Variants in ERGIC1 observed in about 807,000 individuals in gnomAD.
The protein encoded by ERGIC1 is endoplasmic reticulum-golgi intermediate compartment 1.
ERGIC1 carries 19 observed loss-of-function variants against 38.3 expected under a neutral mutation model. The observed-to-expected ratio is 0.50, with a 90% CI of 0.35 to 0.73. The LOEUF (loss-of-function observed/expected upper bound fraction) is 0.73, where lower values mean the gene tolerates loss of function less well. Ranked by LOEUF, ERGIC1 falls within the 30% of genes least tolerant of loss-of-function variation. ERGIC1 has a pLI of 0.01. For synonymous variants in ERGIC1, 124 were observed against 157.6 expected (o/e 0.79, Z 1.60); for missense variants, 294 against 389.2 (o/e 0.76, Z 2.06).
At chr5:172,866,863 C>T (rs1581524990) in intron 1 of ERGIC1, 1 of 308,698 alleles carries the variant, frequency 3.2e-6, no homozygotes, top group Non-Finnish European at 6.4e-6. Context: ...ACTCTAGCTC[C>T]AGGCAGGCAG....
chr5:172,907,747 A>G (rs912624816), intron 3 of ERGIC1, among the ~76,000 whole-genome samples: 1 of 151,868 alleles, frequency 6.6e-6, no homozygotes, highest in Non-Finnish European at 1.5e-5. Context: ...CTTCTCCCCA[A>G]AGGTCAGTGG....
chr5:172,848,594 T>C (rs1046963979), intron 1 of ERGIC1, among the ~76,000 whole-genome samples: 3 of 152,206 alleles, frequency 2.0e-5, no homozygotes, highest in Non-Finnish European at 4.4e-5. Flanking sequence ...TGTGTCTGTC[T>C]TCCTTATGGA....
At chr5:172,865,470 T>A (rs1489502248) in intron 1 of ERGIC1, among the ~76,000 whole-genome samples, 1 of 152,240 alleles carries the variant, frequency 6.6e-6, no homozygotes, top group African/African-American at 2.4e-5. Context: ...AAGGAATTTT[T>A]AAATTGAGGT....
intron 1 of ERGIC1, among the ~76,000 whole-genome samples, chr5:172,863,887 A>G (rs1761783298): frequency 6.6e-6 from 1 of 152,154 alleles, no homozygotes; most frequent in African/African-American, 2.4e-5. Context: ...ATCACAACCC[A>G]GTGTACAATA....
At chr5:172,915,584 G>A (rs754437461) in intron 5 of ERGIC1, 10 of 471,076 alleles carry the variant, frequency 2.1e-5, no homozygotes, top group African/African-American at 1.0e-4. Flanking sequence ...CGAGGCACCC[G>A]GTGGCAGCTG....
rs185765710 is a variant in ERGIC1 at position 172,837,234 on chromosome 5, A to C, written c.20+2801A>C. ...CTTACTGCCTGTAGAGCCTGGTGCA[A>C]CTGAGTTCTGTGTTTTCCTGTCTGT... On this transcript the variant is annotated intron_variant, in intron 1 of 9. Coordinates refer to ENST00000393784, the MANE Select transcript of ERGIC1 (RefSeq NM_001031711.3). The surrounding 1 kb of genome is among the most constrained non-coding windows in gnomAD (Gnocchi z 4.3). Among the ~76,000 whole-genome samples the C allele has an allele frequency of 6.6e-6, 1 of 152,310 alleles. No homozygotes were observed. Among genetic ancestry groups the C allele is most frequent in the East Asian group, 1.9e-4 (1 of 5,188 alleles).
chr5:172,851,465 C>T lies in ERGIC1; in HGVS notation c.20+17032C>T, dbSNP rs540867706. 2.4e-4 allele frequency among the ~76,000 whole-genome samples: 36 copies of T among 152,244 alleles called. No homozygotes were observed. The South Asian group carries it at 6.6e-3, about 28-fold the overall frequency. On this transcript the variant is annotated intron_variant, in intron 1 of 9. Coordinates refer to ENST00000393784, the MANE Select transcript of ERGIC1 (RefSeq NM_001031711.3). ...CAGAGGTTGCAGTGAGCTGAGATTG[C>T]GCCACTGCACTCCAGCCTGGGTGAC...
chr5:172,941,806 C>T (rs1326150652), intron 9 of ERGIC1, among the ~76,000 whole-genome samples: 3 of 152,224 alleles, frequency 2.0e-5, no homozygotes, highest in African/African-American at 7.2e-5. Context: ...GCAAGTTTTC[C>T]TGCCCATATC....
At chr5:172,851,200 C>CAAA (rs34437961) in intron 1 of ERGIC1, among the ~76,000 whole-genome samples, 1 of 96,638 alleles carries the variant, frequency 1.0e-5, no homozygotes. Flanking sequence ...GACTCTGTCT[C>CAAA]AAAAAAAAAA....
intron 1 of ERGIC1, among the ~76,000 whole-genome samples, chr5:172,849,714 C>T (rs1761357381): frequency 6.6e-6 from 1 of 152,176 alleles, no homozygotes; most frequent in African/African-American, 2.4e-5. Flanking sequence ...TCCTCACATA[C>T]CCCCAATGAC....
chr5:172,935,807 G>T, intron 9 of ERGIC1: 1 of 159,300 alleles, frequency 6.3e-6, no homozygotes, highest in Admixed American at 5.9e-5. Flanking sequence ...GTTTTCTCTA[G>T]GGCAGATTCA....
intron 6 of ERGIC1, 87 bp downstream of exon 6, chr5:172,924,196 T>A (rs2113452431): frequency 8.1e-7 from 1 of 1,237,684 alleles, no homozygotes; most frequent in Non-Finnish European, 1.2e-6. Context: ...CTCTGGGCAC[T>A]AGGAAGAGTT....
intron 2 of ERGIC1, among the ~76,000 whole-genome samples, chr5:172,892,021 G>A (rs1289305703): frequency 6.6e-6 from 1 of 150,398 alleles, no homozygotes; most frequent in African/African-American, 2.4e-5. Flanking sequence ...ATTTCTGTAA[G>A]GTAACTTCCC....
intron 1 of ERGIC1, among the ~76,000 whole-genome samples, chr5:172,858,668 G>A (rs746521): frequency 0.85 from 129,864 of 152,214 alleles, 55,753 homozygotes; most frequent in East Asian, 1. Context: ...GGAAAAGGCT[G>A]TTAGCATAGG....
chr5:172,858,305 A>C (rs985847649), intron 1 of ERGIC1, among the ~76,000 whole-genome samples: 1 of 152,214 alleles, frequency 6.6e-6, no homozygotes, highest in Non-Finnish European at 1.5e-5. Flanking sequence ...TGGCCAGACC[A>C]TGAAAGCTGC....
intron 2 of ERGIC1, among the ~76,000 whole-genome samples, 191 bp downstream of exon 2, chr5:172,888,951 G>A (rs1318258223): frequency 2.0e-5 from 3 of 152,144 alleles, no homozygotes; most frequent in Non-Finnish European, 2.9e-5. Context: ...ACCCCTCAAG[G>A]CACAGGCACC....
intron 3 of ERGIC1, among the ~76,000 whole-genome samples, chr5:172,899,394 T>C (rs893137237): frequency 2.8e-5 from 4 of 141,764 alleles, no homozygotes; most frequent in Non-Finnish European, 6.0e-5. Context: ...CTCGGCTCAC[T>C]GCAAGCTCCG....
At chr5:172,903,899 G>A (rs1762950896) in intron 3 of ERGIC1, among the ~76,000 whole-genome samples, 1 of 151,124 alleles carries the variant, frequency 6.6e-6, no homozygotes, top group Non-Finnish European at 1.5e-5. Context: ...GGCTTCCCCT[G>A]CACTGCTGTA....
intron 9 of ERGIC1, among the ~76,000 whole-genome samples, chr5:172,945,779 G>A (rs760373483): frequency 1.1e-4 from 17 of 152,136 alleles, no homozygotes; most frequent in Non-Finnish European, 2.1e-4. Context: ...CCACTTCCCA[G>A]GTTCAAGCAA....
Sources: gnomAD v4.1 joint callset for allele counts (sites outside exome capture counted in the v4.1 genomes callset) on GRCh38, gnomAD v4.1.1 for gene constraint, Gnocchi (gnomAD v3.1) non-coding constraint, MANE v1.5 for transcripts, NCBI Gene and HGNC (gene_info 2026-07-23, HGNC 2026-07-21) for gene names.